CLDN14: variants seen among roughly 807,000 people sequenced by gnomAD.
CLDN14 encodes the protein claudin 14, also known as claudin-14.
Under a neutral mutation model 2.1 loss-of-function variants are expected in CLDN14, and 2 were observed. The ratio of observed to expected loss-of-function variants is 0.96; its 90% CI spans 0.39 to 3.01. CLDN14 has a LOEUF of 3.01. Among genes scored for constraint, CLDN14 ranks in the 30% most tolerant of loss-of-function variants. The probability of loss-of-function intolerance (pLI) is 0.09; values close to 1 mark genes in which losing one functional copy is unlikely to be tolerated. For synonymous variants in CLDN14, 136 were observed against 154.4 expected (o/e 0.88, Z 0.88); for missense variants, 298 against 328.0 (o/e 0.91, Z 0.71).
chr21:36,503,825 A>G (rs1325888791), intron 2 of CLDN14, among the ~76,000 whole-genome samples: 1 of 152,086 alleles, frequency 6.6e-6, no homozygotes, highest in Non-Finnish European at 1.5e-5. Context: ...TATGCAATGA[A>G]TACAATACAT....
intron 2 of CLDN14, among the ~76,000 whole-genome samples, chr21:36,506,366 G>A (rs955609669): frequency 6.6e-6 from 1 of 152,160 alleles, no homozygotes; most frequent in East Asian, 1.9e-4. Context: ...GGAGGCCAAG[G>A]CAGGTGGATC....
chr21:36,505,926 G>C (rs1426426162), intron 2 of CLDN14, among the ~76,000 whole-genome samples: 1 of 152,166 alleles, frequency 6.6e-6, no homozygotes, highest in African/African-American at 2.4e-5. Context: ...TGTTACACTA[G>C]CATACTGTCA....
At chr21:36,531,994 A>G (rs530188117) in intron 1 of CLDN14, 1 of 152,298 alleles carries the variant, frequency 6.6e-6, no homozygotes, top group Admixed American at 6.5e-5. Flanking sequence ...TACGTGAAAT[A>G]ATTCATGGAA....
intron 1 of CLDN14, among the ~76,000 whole-genome samples, chr21:36,472,880 A>C (rs1366350951): frequency 6.6e-6 from 1 of 152,090 alleles, no homozygotes; most frequent in Admixed American, 6.5e-5. Context: ...TGACCTCCCA[A>C]ATGTCCCGTC....
chr21:36,481,946 C>A (rs1053767039), upstream of CLDN14, among the ~76,000 whole-genome samples: 1 of 152,220 alleles, frequency 6.6e-6, no homozygotes, highest in African/African-American at 2.4e-5. Context: ...CACAGGCACA[C>A]ACAGAGCGAG....
At chr21:36,489,208 AAGAG>A (rs551064855) in intron 2 of CLDN14, among the ~76,000 whole-genome samples, 17 of 111,226 alleles carry the variant, frequency 1.5e-4, no homozygotes, top group African/African-American at 2.8e-4. Flanking sequence ...GAGAGAGAGA[AAGAG>A]AGAGAGAGAG....
At chr21:36,522,151 T>C (rs1252839890) in intron 1 of CLDN14, among the ~76,000 whole-genome samples, 1 of 152,148 alleles carries the variant, frequency 6.6e-6, no homozygotes. Context: ...CCTGTGCTTA[T>C]TATAAAACCC....
chr21:36,541,812 T>C (rs959268317), intron 1 of CLDN14, among the ~76,000 whole-genome samples: 2 of 152,188 alleles, frequency 1.3e-5, no homozygotes, highest in Non-Finnish European at 1.5e-5. Flanking sequence ...TAGGTTTTAA[T>C]AGTGTCTTTG....
rs201242355 is a variant in CLDN14, at chr21:36,493,339, C to T, written c.-82+17024G>A. The stretch of plus-strand genomic sequence containing the variant: ...TCTGCCTTCCCTGGGAGGCAGGGCA[C>T]GGAGGAGAAATGGCAAGACACATTA... On this transcript the variant is annotated intron_variant, in intron 2 of 2. Coordinates refer to the CLDN14 transcript ENST00000342108. Among the ~76,000 whole-genome samples, 52 of 152,116 alleles carry T rather than the reference C, an allele frequency of 3.4e-4. 1 individual carries two copies. In the South Asian group the frequency reaches 7.5e-3, roughly 22 times the overall value.
chr21:36,547,250 C>T (rs1386044869), intron 1 of CLDN14, among the ~76,000 whole-genome samples: 1 of 152,090 alleles, frequency 6.6e-6, no homozygotes, highest in Non-Finnish European at 1.5e-5. Flanking sequence ...CGGTGGTTGT[C>T]TCTGGGGAGA....
chr21:36,468,261 T>C (rs2086670329), intron 1 of CLDN14, among the ~76,000 whole-genome samples: 1 of 152,178 alleles, frequency 6.6e-6, no homozygotes, highest in South Asian at 2.1e-4. Context: ...AAATGGCCTC[T>C]TCATTACTGT....
At chr21:36,517,091 C>T (rs1204318107) in intron 1 of CLDN14, among the ~76,000 whole-genome samples, 2 of 151,982 alleles carry the variant, frequency 1.3e-5, no homozygotes, top group Admixed American at 6.6e-5. Context: ...CCACCCACCT[C>T]AGCCTCCCAA....
At chr21:36,486,727 C>A in intron 2 of CLDN14, 1 of 1,077,402 alleles carries the variant, frequency 9.3e-7, no homozygotes, top group Non-Finnish European at 1.4e-6. Context: ...TAGCCAGTTT[C>A]ACCAGATCCT....
Position 36,499,717 on chromosome 21 carries a change from T to A in CLDN14, c.-82+10646A>T, listed in dbSNP as rs1313698862. Among the ~76,000 whole-genome samples, 2 of 152,184 alleles carry A rather than the reference T, an allele frequency of 1.3e-5. No individual in the cohort carries two copies. The highest frequency in any genetic ancestry group is 2.9e-5 in the Non-Finnish European group (2 of 68,022). On this transcript the variant is annotated intron_variant, in intron 2 of 2. Transcript: ENST00000342108. The surrounding 1 kb of genome is among the most constrained non-coding windows in gnomAD (Gnocchi z 4.7). ...TAGACACGCAGACAATAAATACTGA[T>A]TCTTGGACTACAGAGCCAAAGACAA... is the stretch of plus-strand genomic sequence containing the variant.
intron 1 of CLDN14, among the ~76,000 whole-genome samples, chr21:36,553,019 G>T (rs1169028983): frequency 6.6e-6 from 1 of 152,190 alleles, no homozygotes; most frequent in Admixed American, 6.5e-5. Context: ...CCGCCACCTA[G>T]GGCCCAGCTG....
At chr21:36,497,489 G>C (rs1403505204) in intron 2 of CLDN14, among the ~76,000 whole-genome samples, 1 of 151,088 alleles carries the variant, frequency 6.6e-6, no homozygotes, top group African/African-American at 2.4e-5. Flanking sequence ...CTCAGGGTCT[G>C]TTTTCTTTTC....
chr21:36,495,377 C>G (rs1004846223), intron 2 of CLDN14, among the ~76,000 whole-genome samples: 5 of 152,160 alleles, frequency 3.3e-5, no homozygotes, highest in Non-Finnish European at 7.3e-5. Flanking sequence ...CTGATTGGAT[C>G]AAGTTTATCC....
intron 1 of CLDN14, among the ~76,000 whole-genome samples, chr21:36,574,624 A>C (rs989003817): frequency 6.6e-6 from 1 of 152,224 alleles, no homozygotes; most frequent in African/African-American, 2.4e-5. Flanking sequence ...TCTTGTTTTG[A>C]TTGGTGGTTA....
intron 1 of CLDN14, among the ~76,000 whole-genome samples, chr21:36,570,071 C>T (rs2087698835): frequency 2.0e-5 from 3 of 152,146 alleles, no homozygotes; most frequent in African/African-American, 7.2e-5. Flanking sequence ...GTAAGACGTA[C>T]ACTGATTTGA....
Sources: gnomAD v4.1 joint callset for allele counts (sites outside exome capture counted in the v4.1 genomes callset) on GRCh38, gnomAD v4.1.1 for gene constraint, Gnocchi (gnomAD v3.1) non-coding constraint, MANE v1.5 for transcripts, NCBI Gene and HGNC (gene_info 2026-07-23, HGNC 2026-07-21) for gene names.